Variants in ITPK1 observed in about 807,000 individuals in gnomAD.
ITPK1 encodes the protein inositol-tetrakisphosphate 1-kinase.
ITPK1 carries 21 observed loss-of-function variants against 45.3 expected under a neutral mutation model. That is an observed-to-expected ratio of 0.46 (90% CI 0.33 to 0.67). ITPK1 has a LOEUF of 0.67. Ranked by LOEUF, ITPK1 falls within the 30% of genes least tolerant of loss-of-function variation. ITPK1 has a pLI of 0.02. For synonymous variants in ITPK1, 258 were observed against 253.6 expected, an observed-to-expected ratio of 1.02 and a Z score of -0.16; for missense variants, 474 against 573.5, an observed-to-expected ratio of 0.83 and a Z score of 1.77.
chr14:92,939,857 T>C lies in ITPK1; in HGVS notation c.*1704A>G. ...CTTGAGCAACATGTGTAAACACGTG[T>C]GAAATGCGGTTTGATTTCAGTAGTT... On this transcript the variant is annotated 3_prime_UTR_variant, in exon 11 of 11. Coordinates refer to ENST00000267615, the MANE Select transcript of ITPK1 (RefSeq NM_014216.6). 1.0e-6 allele frequency: 1 copy of C among 985,852 alleles called. No homozygotes were observed. The highest frequency in any genetic ancestry group is 4.7e-5 in the South Asian group (1 of 21,286). 61.1% of individuals were successfully genotyped at this position (985,852 alleles called of 1,614,324 possible). A position where few individuals can be genotyped will look rare whatever the true frequency, so the allele number is the denominator to read the frequency against.
chr14:92,997,090 G>A lies in ITPK1; in HGVS notation c.247-3093C>T, dbSNP rs570662005. Among the ~76,000 whole-genome samples, 5 of 152,314 alleles carry A rather than the reference G, an allele frequency of 3.3e-5. No homozygotes were observed. In the East Asian group the frequency reaches 9.7e-4, roughly 29 times the overall value. ...ACCAGCTAGAGGCATTCCAGGTAAC[G>A]GGAGGGCCACCCACGCATTCGCTGC... On this transcript the variant is annotated intron_variant, in intron 4 of 10. Transcript: ENST00000267615.
intron 3 of ITPK1, among the ~76,000 whole-genome samples, chr14:93,060,595 G>A (rs577691993): frequency 9.2e-5 from 14 of 152,284 alleles, no homozygotes; most frequent in Admixed American, 2.0e-4. Context: ...TGCTTGCAAG[G>A]TATTAGGGGG....
chr14:93,086,603 A>G, intron 2 of ITPK1, among the ~76,000 whole-genome samples: 1 of 152,058 alleles, frequency 6.6e-6, no homozygotes, highest in East Asian at 1.9e-4. Context: ...GCTACATGCC[A>G]TGCCCTCTGG....
intron 3 of ITPK1, among the ~76,000 whole-genome samples, chr14:93,040,319 C>T (rs974387629): frequency 3.3e-5 from 5 of 152,150 alleles, no homozygotes; most frequent in Non-Finnish European, 7.4e-5. Flanking sequence ...GAAAGCAGGG[C>T]CTCGGCCCAA....
chr14:92,938,885 A>C lies in ITPK1; in HGVS notation c.*2676T>G, dbSNP rs1887226391. 2.7e-6 allele frequency: 1 copy of C among 373,988 alleles called. No homozygotes were observed. The highest frequency in any genetic ancestry group is 4.2e-5 in the Admixed American group (1 of 23,922). The allele number at this position is 373,988 out of a possible 1,614,324, so 23.2% of individuals were successfully genotyped here. On this transcript the variant is annotated 3_prime_UTR_variant, in exon 11 of 11. Transcript: ENST00000267615. ...CCACGGCCTCAGCCCCAGGGTGCTC[A>C]ATGCAGACTGTGCAGGTGACCCTCT... is the stretch of plus-strand genomic sequence containing the variant.
At chr14:93,066,355 G>A (rs1475560152) in intron 3 of ITPK1, 8 of 429,630 alleles carry the variant, frequency 1.9e-5, no homozygotes, top group Non-Finnish European at 3.3e-5. Flanking sequence ...GGGCAGAGGC[G>A]TCTGCTGGGA....
rs941547546 is a variant in ITPK1, at chr14:93,016,453, G to A, written c.246+223C>T. Among the ~76,000 whole-genome samples the A allele has an allele frequency of 2.0e-5, 3 of 152,108 alleles. No homozygotes were observed. The highest frequency in any genetic ancestry group is 2.4e-5 in the African/African-American group (1 of 41,410). ...GTCTACACAGCCAGGGGGTGGAGAC[G>A]GCCCAACCATGCCCTGGTTCAGTCC... On this transcript the variant is annotated intron_variant, in intron 4 of 10. Coordinates refer to ENST00000267615, the MANE Select transcript of ITPK1 (RefSeq NM_014216.6). This position sits in a 1 kb window ranked among gnomAD's most constrained non-coding sequence, Gnocchi z 5.0.
At chr14:93,059,913 G>A (rs540156038) in intron 3 of ITPK1, among the ~76,000 whole-genome samples, 1 of 149,078 alleles carries the variant, frequency 6.7e-6, no homozygotes, top group African/African-American at 2.5e-5. Flanking sequence ...AGGCAGGGGT[G>A]GGGGGTGCTG....
chr14:92,986,993 C>A (rs1294782247), intron 5 of ITPK1, among the ~76,000 whole-genome samples: 2 of 152,170 alleles, frequency 1.3e-5, no homozygotes, highest in Non-Finnish European at 2.9e-5. Context: ...TCCACAGTGC[C>A]CACAGCTGTG....
Position 92,994,147 on chromosome 14 carries a change from C to T in ITPK1, c.247-150G>A, listed in dbSNP as rs140417139. The T allele has an allele frequency of 4.5e-3, 2,688 of 600,794 alleles. 10 individuals carry two copies. The highest frequency in any genetic ancestry group is 6.7e-3 in the Non-Finnish European group (2,174 of 326,478). The allele number at this position is 600,794 out of a possible 1,614,324, so 37.2% of individuals were successfully genotyped here. On this transcript the variant is annotated intron_variant, in intron 4 of 10. Transcript: ENST00000267615. ...GGTGCATTCCAGCACTGGGACATTT[C>T]GAGCAGTCACCTGGAGATCTGAGAG...
At chr14:92,963,466 C>A (rs1885193084) in intron 5 of ITPK1, among the ~76,000 whole-genome samples, 1 of 152,222 alleles carries the variant, frequency 6.6e-6, no homozygotes, top group Admixed American at 6.5e-5. Context: ...TGCCTGACCC[C>A]TCACCTGCAG....
chr14:93,115,446 G>C (rs1250475067), intron 1 of ITPK1, 141 bp from the exon 2 acceptor site: 3 of 147,956 alleles, frequency 2.0e-5, no homozygotes, highest in African/African-American at 7.4e-5. Flanking sequence ...CCCGCCCACC[G>C]GCTCGCGAGC....
intron 5 of ITPK1, among the ~76,000 whole-genome samples, chr14:92,965,484 T>C (rs1349252207): frequency 1.3e-5 from 2 of 152,186 alleles, no homozygotes; most frequent in South Asian, 4.1e-4. Context: ...CTGGAGGTTC[T>C]AGCCACGGCC....
chr14:93,080,212 G>A (rs1891382733), intron 2 of ITPK1, among the ~76,000 whole-genome samples: 1 of 152,172 alleles, frequency 6.6e-6, no homozygotes. Context: ...GTGTGCTTGT[G>A]TACACACAGA....
At chr14:93,057,649 G>A (rs550976288) in intron 3 of ITPK1, among the ~76,000 whole-genome samples, 1 of 152,228 alleles carries the variant, frequency 6.6e-6, no homozygotes, top group South Asian at 2.1e-4. Flanking sequence ...CCTATCAGCT[G>A]TCAGACAGAG....
chr14:93,067,111 T>C (rs186863128), intron 3 of ITPK1, among the ~76,000 whole-genome samples: 2 of 152,352 alleles, frequency 1.3e-5, no homozygotes, highest in East Asian at 3.9e-4. Context: ...ATCTTGCTTC[T>C]GGCCCTTTCT....
chr14:93,010,561 T>A (rs1243122963), intron 4 of ITPK1, among the ~76,000 whole-genome samples: 1 of 152,232 alleles, frequency 6.6e-6, no homozygotes, highest in Non-Finnish European at 1.5e-5. Flanking sequence ...GACCCCCACC[T>A]GGCCCTGCCT....
chr14:92,962,945 GC>G, intron 5 of ITPK1, 96 bp from the exon 6 acceptor site: 1 of 729,126 alleles, frequency 1.4e-6, no homozygotes. Flanking sequence ...GGCCTTCAGT[GC>G]CCCCACGCTC....
chr14:92,993,455 T>C (rs543258505), intron 5 of ITPK1, among the ~76,000 whole-genome samples: 7 of 152,234 alleles, frequency 4.6e-5, no homozygotes, highest in African/African-American at 1.7e-4. Context: ...AGTGGACCCA[T>C]GAGGTCCAGC....
Sources: allele counts gnomAD v4.1 joint callset (sites outside exome capture counted in the v4.1 genomes callset), GRCh38; gene constraint gnomAD v4.1.1; non-coding constraint Gnocchi (gnomAD v3.1); transcripts MANE v1.5; gene names NCBI Gene and HGNC (gene_info 2026-07-23, HGNC 2026-07-21).